MED13: variants seen among roughly 807,000 people sequenced by gnomAD.
MED13 encodes the protein mediator complex subunit 13.
Under a neutral mutation model 225.2 loss-of-function variants are expected in MED13, and 23 were observed. The ratio of observed to expected loss-of-function variants is 0.10; its 90% CI spans 0.07 to 0.14. The LOEUF is 0.14. Ranked by LOEUF, MED13 falls within the 10% of genes least tolerant of loss-of-function variation. MED13 has a pLI of 1.00. For missense variants in MED13, 2,197 were observed against 2,594.5 expected (o/e 0.85, Z 3.33); for synonymous variants, 942 against 889.2 (o/e 1.06, Z -1.06).
At chr17:61,959,877 C>CCACT (rs2079983509) in intron 23 of MED13, among the ~76,000 whole-genome samples, 1 of 151,842 alleles carries the variant, frequency 6.6e-6, no homozygotes. Flanking sequence ...TACAGGTGGG[C>CCACT]CACTATGCCC....
chr17:62,048,043 C>CATATACATATATATATATATAT (rs776069700), intron 3 of MED13, among the ~76,000 whole-genome samples: 12 of 131,132 alleles, frequency 9.2e-5, no homozygotes, highest in East Asian at 5.0e-4. Flanking sequence ...TATACATATA[C>CATATACATATATATATATATAT]ATATATATAT....
chr17:62,037,566 C>T (rs776225355), intron 3 of MED13, among the ~76,000 whole-genome samples: 1 of 150,550 alleles, frequency 6.6e-6, no homozygotes, highest in Non-Finnish European at 1.5e-5. Flanking sequence ...ACTCAGGAGG[C>T]TGAGGCATGA....
At chr17:62,064,736 TA>T (rs2081067256) in intron 1 of MED13, among the ~76,000 whole-genome samples, 1 of 151,806 alleles carries the variant, frequency 6.6e-6, no homozygotes, top group Non-Finnish European at 1.5e-5. Flanking sequence ...GAAACCAAAT[TA>T]AAAGGGTAAG....
chr17:62,010,922 T>G lies in MED13; in HGVS notation c.1595A>C (p.Gln532Pro). 6.2e-7 allele frequency: 1 copy of G among 1,612,622 alleles called. No individual in the cohort carries two copies. The highest frequency in any genetic ancestry group is 8.5e-7 in the Non-Finnish European group (1 of 1,178,804). ...AGGGTGAGGACTAAGTGGGGGTGGT[T>G]GAGGTGAATTTGCCATTTCGGTGCC... is the stretch of plus-strand genomic sequence containing the variant. ...MHGTEMANSP[Q>P]PPPLSPHPCD... The change falls in exon 9 of 30, where the codon CAA becomes CCA. Residue 532 changes from glutamine to proline, a missense_variant. Physicochemically the swap from Gln to Pro is moderately conservative, Grantham distance 76 (BLOSUM62 -1). Transcript: ENST00000397786.
intron 23 of MED13, among the ~76,000 whole-genome samples, chr17:61,958,427 T>C (rs1344092793): frequency 2.1e-5 from 3 of 141,380 alleles, no homozygotes; most frequent in Admixed American, 6.9e-5. Flanking sequence ...CAACCTTCGC[T>C]TCCTGGGTTC....
In MED13 at chr17:61,984,425, T is replaced by C. The variant is rs769349513; in HGVS notation, c.2692-58A>G. 7.9e-5 allele frequency: 101 copies of C among 1,279,752 alleles called. No homozygotes were observed. The East Asian group carries it at 2.2e-3, about 28-fold the overall frequency. 79.3% of individuals were successfully genotyped at this position (1,279,752 alleles called of 1,614,324 possible). A position where few individuals can be genotyped will look rare whatever the true frequency, so the allele number is the denominator to read the frequency against. On this transcript the variant is annotated intron_variant, in intron 14 of 29. Coordinates refer to ENST00000397786, the MANE Select transcript of MED13 (RefSeq NM_005121.3). ...TTATCTTCTAGGAGGAAAAAATAAA[T>C]AAACAAACAGGCTCTGGACCTTTTT...
intron 3 of MED13, among the ~76,000 whole-genome samples, chr17:62,045,014 TATATC>T (rs1290586354): frequency 1.3e-5 from 2 of 150,686 alleles, no homozygotes; most frequent in African/African-American, 4.9e-5. Flanking sequence ...ATACAGTAAA[TATATC>T]AAAAAAGATT....
chr17:62,040,105 G>A (rs1290979607), intron 3 of MED13, among the ~76,000 whole-genome samples: 1 of 152,104 alleles, frequency 6.6e-6, no homozygotes, highest in African/African-American at 2.4e-5. Context: ...CAATATTCTA[G>A]TCAGAGAATA....
intron 23 of MED13, among the ~76,000 whole-genome samples, chr17:61,957,399 G>C (rs1169795293): frequency 1.3e-5 from 2 of 151,500 alleles, no homozygotes; most frequent in Non-Finnish European, 2.9e-5. Flanking sequence ...GCCTAGGCTA[G>C]AGTGCAGTGG....
At chr17:61,979,315 A>AT (rs1227677636) in intron 16 of MED13, among the ~76,000 whole-genome samples, 1 of 151,928 alleles carries the variant, frequency 6.6e-6, no homozygotes, top group Non-Finnish European at 1.5e-5. Flanking sequence ...AAACATGGCC[A>AT]TTTTTTTCTT....
At position 61,987,055 on chromosome 17, in the gene MED13, A is replaced by G; in HGVS notation, c.2337T>C (p.Ser779=). ...TGAAGAGATTATCAAGGTCAGTATA[A>G]GAGACAGCCAGGTCTGAGTCATAAA... ...SLIYDSDLAV[S]YTDLDNLFNS... is the part of the protein sequence containing the mutation. Residue 779 remains serine (S), a synonymous_variant, in exon 12 of 30, where the codon TCT becomes TCC. Coordinates refer to ENST00000397786, the MANE Select transcript of MED13 (RefSeq NM_005121.3). 1 of 1,607,504 alleles carries G rather than the reference A, an allele frequency of 6.2e-7. No homozygotes were observed. The highest frequency in any genetic ancestry group is 1.1e-5 in the South Asian group (1 of 90,290).
chr17:61,966,795 TAGA>T (rs1452173395), intron 18 of MED13, 144 bp from the exon 19 acceptor site: 9 of 510,950 alleles, frequency 1.8e-5, no homozygotes, highest in African/African-American at 5.9e-5. Context: ...AGGGTGTTTT[TAGA>T]AGTAGGCCAA....
intron 8 of MED13, 126 bp downstream of exon 8, chr17:62,029,415 A>T: frequency 1.6e-6 from 1 of 635,848 alleles, no homozygotes; most frequent in Non-Finnish European, 2.7e-6. Flanking sequence ...ATTTTTCCTG[A>T]ATTTTCTTTT....
At chr17:62,023,935 C>G (rs2080674293) in intron 8 of MED13, among the ~76,000 whole-genome samples, 1 of 152,142 alleles carries the variant, frequency 6.6e-6, no homozygotes, top group Admixed American at 6.5e-5. Flanking sequence ...CTAACCAAAG[C>G]AAGTCACACG....
At chr17:62,025,848 C>G (rs1047784012) in intron 8 of MED13, among the ~76,000 whole-genome samples, 1 of 152,184 alleles carries the variant, frequency 6.6e-6, no homozygotes, top group Non-Finnish European at 1.5e-5. Flanking sequence ...TTATTCCAAT[C>G]TCTCTAACAG....
intron 10 of MED13, among the ~76,000 whole-genome samples, chr17:61,994,740 C>T (rs1352722382): frequency 6.6e-6 from 1 of 152,176 alleles, no homozygotes; most frequent in African/African-American, 2.4e-5. Context: ...GACGGAGTCT[C>T]GCTCTGTCAC....
intron 8 of MED13, among the ~76,000 whole-genome samples, chr17:62,027,661 A>G (rs562893643): frequency 6.6e-6 from 1 of 152,346 alleles, no homozygotes; most frequent in Admixed American, 6.5e-5. Context: ...ATAATGGGAG[A>G]AAAGTTTTGC....
intron 20 of MED13, among the ~76,000 whole-genome samples, chr17:61,964,680 AATCC>A: frequency 6.6e-6 from 1 of 152,232 alleles, no homozygotes; most frequent in Non-Finnish European, 1.5e-5. Context: ...TCACGTCTGT[AATCC>A]CAGCACTTTG....
chr17:61,983,128 G>T lies in MED13; in HGVS notation c.2889-14C>A, dbSNP rs1160364640. ...TTACTTCCATCACTATCATCACCAG[G>T]GTAAAAGAAGATCAAATATATATAT... On this transcript the variant is annotated splice_polypyrimidine_tract_variant and intron_variant, in intron 15 of 29. Coordinates refer to ENST00000397786, the MANE Select transcript of MED13 (RefSeq NM_005121.3). The T allele has an allele frequency of 6.4e-7, 1 of 1,552,422 alleles. No individual in the cohort carries two copies. Among genetic ancestry groups the T allele is most frequent in the East Asian group, 2.3e-5 (1 of 44,076 alleles).
Sources: gnomAD v4.1 joint callset for allele counts (sites outside exome capture counted in the v4.1 genomes callset) on GRCh38, gnomAD v4.1.1 for gene constraint, MANE v1.5 for transcripts, NCBI Gene and HGNC (gene_info 2026-07-23, HGNC 2026-07-21) for gene names.